Variants in ALG8 observed in about 807,000 individuals in gnomAD.
ALG8 encodes dolichyl pyrophosphate Glc1Man9GlcNAc2 alpha-1,3-glucosyltransferase.
ALG8 carries 48 observed loss-of-function variants against 70.2 expected under a neutral mutation model. That is an observed-to-expected ratio of 0.68 (90% CI 0.54 to 0.87). The LOEUF is 0.87. Ranked by LOEUF, ALG8 falls within the 40% of genes least tolerant of loss-of-function variation. The pLI, the probability that ALG8 is intolerant of heterozygous loss-of-function variation, is 0.00. For synonymous variants in ALG8, 234 were observed against 229.0 expected (o/e 1.02, Z -0.20); for missense variants, 572 against 608.7 (o/e 0.94, Z 0.64).
At chr11:78,101,219 T>G in intron 12 of ALG8, 24 bp from the exon 13 acceptor site, 1 of 1,597,824 alleles carries the variant, frequency 6.3e-7, no homozygotes, top group South Asian at 1.1e-5. Flanking sequence ...GAGAGAAAAG[T>G]CTGATTTTAG....
intron 7 of ALG8, among the ~76,000 whole-genome samples, chr11:78,113,035 T>C (rs932259605): frequency 9.9e-5 from 15 of 152,224 alleles, no homozygotes; most frequent in African/African-American, 3.4e-4. Flanking sequence ...ATTTACAAGC[T>C]ACAAAGCAGA....
intron 12 of ALG8, among the ~76,000 whole-genome samples, chr11:78,103,656 A>G (rs1463777682): frequency 1.3e-5 from 2 of 152,318 alleles, no homozygotes; most frequent in East Asian, 1.9e-4. Context: ...AAATTTGTAC[A>G]TAGTATCTTT....
In ALG8 at chr11:78,104,413, G is replaced by C. The variant is rs1391140747; in HGVS notation, c.1219C>G (p.Leu407Val). 1.9e-6 allele frequency: 3 copies of C among 1,599,010 alleles called. No individual in the cohort carries two copies. The highest frequency in any genetic ancestry group is 1.7e-5 in the Admixed American group (1 of 57,642). Residue 407 changes from leucine to valine, a missense_variant, in exon 11 of 13, where the codon CTG becomes GTG. Coordinates refer to ENST00000299626, the MANE Select transcript of ALG8 (RefSeq NM_024079.5). ...TAATGTCCTGTTGTGGTCAGAATCA[G>C]AAAAATCGAAGCGTCTCCTGCTTTT... ...VGKAGDASIF[L>V]ILTTTGHYSL...
intron 2 of ALG8, among the ~76,000 whole-genome samples, chr11:78,125,429 G>A (rs1362197295): frequency 6.6e-6 from 1 of 151,100 alleles, no homozygotes; most frequent in African/African-American, 2.4e-5. Flanking sequence ...TACTATATAT[G>A]GTATCGAAAC....
At chr11:78,122,781 C>T (rs1037216570) in intron 3 of ALG8, among the ~76,000 whole-genome samples, 5 of 152,194 alleles carry the variant, frequency 3.3e-5, no homozygotes, top group African/African-American at 7.2e-5. Flanking sequence ...TTAAAAATTA[C>T]CTTCCCTTTC....
chr11:78,119,872 T>C (rs572167689), intron 4 of ALG8, among the ~76,000 whole-genome samples: 1 of 152,074 alleles, frequency 6.6e-6, no homozygotes, highest in Non-Finnish European at 1.5e-5. Flanking sequence ...GAGGCTGACA[T>C]GGGCAGATCA....
intron 3 of ALG8, among the ~76,000 whole-genome samples, chr11:78,122,124 A>G (rs1178099366): frequency 1.3e-5 from 2 of 152,174 alleles, no homozygotes; most frequent in Admixed American, 1.3e-4. Flanking sequence ...GATATTGAAA[A>G]TGTGCTACAT....
chr11:78,113,504 G>C (rs947343325), intron 7 of ALG8, among the ~76,000 whole-genome samples: 2 of 152,106 alleles, frequency 1.3e-5, no homozygotes, highest in Non-Finnish European at 2.9e-5. Flanking sequence ...CCTGAGGTCA[G>C]AAGTTCGAGT....
intron 10 of ALG8, 112 bp downstream of exon 10, chr11:78,106,695 C>T (rs1860048854): frequency 5.0e-6 from 7 of 1,401,668 alleles, no homozygotes; most frequent in South Asian, 1.2e-5. Context: ...TGTTCCTATA[C>T]ATCTTTGTTT....
chr11:78,114,518 T>C, intron 5 of ALG8, 126 bp from the exon 6 acceptor site: 4 of 1,114,458 alleles, frequency 3.6e-6, no homozygotes, highest in Non-Finnish European at 3.9e-6. Flanking sequence ...GAAATTCAAA[T>C]GCATCAATAT....
intron 8 of ALG8, among the ~76,000 whole-genome samples, chr11:78,111,614 G>A (rs1379548921): frequency 6.6e-6 from 1 of 151,912 alleles, no homozygotes; most frequent in Non-Finnish European, 1.5e-5. Context: ...AAACAAATGT[G>A]TGCATACACA....
rs2136884174 is a variant in ALG8 at position 78,106,925 on chromosome 11, A to G, written c.1060T>C (p.Phe354Leu). Residue 354 changes from phenylalanine to leucine, a missense_variant, in exon 10 of 13, where the codon TTT becomes CTT. Coordinates refer to ENST00000299626, the MANE Select transcript of ALG8 (RefSeq NM_024079.5). ...AAGCCTCTGGGCCCTTGGGGTTTAAACCAAAGACAGAAAATAGAGGGCTAG... is the reference window on the plus strand; with the variant it reads ...AAGCCTCTGGGCCCTTGGGGTTTAAGCCAAAGACAGAAAATAGAGGGCTAG... ...AILPSIFCLW[F>L]KPQGPRGFLR... 1 of 1,614,136 alleles carries G rather than the reference A, an allele frequency of 6.2e-7. No homozygotes were observed. Among genetic ancestry groups the G allele is most frequent in the East Asian group, 2.2e-5 (1 of 44,878 alleles).
At chr11:78,129,134 A>G (rs1369313115) in intron 1 of ALG8, among the ~76,000 whole-genome samples, 6 of 151,856 alleles carry the variant, frequency 4.0e-5, no homozygotes, top group Non-Finnish European at 7.4e-5. Flanking sequence ...GAATGTGCAA[A>G]GTGGGGCCGG....
chr11:78,103,657 T>C (rs1265563655), intron 12 of ALG8, among the ~76,000 whole-genome samples: 2 of 152,160 alleles, frequency 1.3e-5, no homozygotes, highest in Admixed American at 6.5e-5. Context: ...AATTTGTACA[T>C]AGTATCTTTT....
chr11:78,125,622 A>T (rs1238182225), intron 2 of ALG8, among the ~76,000 whole-genome samples: 1 of 151,226 alleles, frequency 6.6e-6, no homozygotes, highest in Non-Finnish European at 1.5e-5. Flanking sequence ...AAAAAAAAAA[A>T]AAAAATTTCC....
At position 78,114,359 on chromosome 11, in the gene ALG8, C is replaced by T; in HGVS notation, c.580G>A (p.Val194Ile). 2 of 1,614,042 alleles carry T rather than the reference C, an allele frequency of 1.2e-6. No individual in the cohort carries two copies. Among genetic ancestry groups the T allele is most frequent in the South Asian group, 1.1e-5 (1 of 91,090 alleles). The change falls in exon 6 of 13, where the codon GTT (valine) becomes ATT (isoleucine). Residue 194 changes from valine (V) to isoleucine (I), a missense_variant. Coordinates refer to ENST00000299626, the MANE Select transcript of ALG8 (RefSeq NM_024079.5). ...RHMEGAFLFA[V>I]LLHFKHIYLY... is the part of the protein sequence containing the mutation. Reference sequence around the variant, plus strand: ...TAGATATGCTTGAAATGTAGGAGAACAGCAAAGAGAAATGCTCCTTCCATA... The same window carrying T: ...TAGATATGCTTGAAATGTAGGAGAATAGCAAAGAGAAATGCTCCTTCCATA...
intron 4 of ALG8, among the ~76,000 whole-genome samples, chr11:78,120,241 C>T (rs947801759): frequency 1.3e-5 from 2 of 151,922 alleles, no homozygotes; most frequent in African/African-American, 4.8e-5. Flanking sequence ...TTTTTCCTAC[C>T]TTTTCTACCT....
chr11:78,126,150 C>T (rs1044301540), intron 2 of ALG8, among the ~76,000 whole-genome samples: 3 of 151,144 alleles, frequency 2.0e-5, no homozygotes, highest in East Asian at 2.0e-4. Flanking sequence ...CAGAGCGAGA[C>T]TCCGTCTCAA....
chr11:78,130,532 A>G (rs909016580), intron 1 of ALG8, among the ~76,000 whole-genome samples: 4 of 152,060 alleles, frequency 2.6e-5, no homozygotes, highest in East Asian at 1.9e-4. Context: ...CTGGTATTTT[A>G]TACTGGATTT....
Sources: gnomAD v4.1 joint callset for allele counts (sites outside exome capture counted in the v4.1 genomes callset) on GRCh38, gnomAD v4.1.1 for gene constraint, MANE v1.5 for transcripts, NCBI Gene and HGNC (gene_info 2026-07-23, HGNC 2026-07-21) for gene names.